Variants in TMEM178B observed in about 807,000 individuals in gnomAD.
TMEM178B encodes transmembrane protein 178B.
In TMEM178B, 5 loss-of-function variants were observed where a neutral mutation model predicts 31.0. That is an observed-to-expected ratio of 0.16 (90% CI 0.08 to 0.34). The LOEUF (loss-of-function observed/expected upper bound fraction) is 0.34. Among genes scored for constraint, TMEM178B ranks in the 10% least tolerant of loss-of-function variants. The probability of loss-of-function intolerance (pLI) is 1.00; values close to 1 mark genes in which losing one functional copy is unlikely to be tolerated. For missense variants in TMEM178B, 275 were observed against 400.3 expected, an observed-to-expected ratio of 0.69 and a Z score of 2.67; for synonymous variants, 164 against 164.0, an observed-to-expected ratio of 1.00 and a Z score of 0.00.
At chr7:141,279,225 GA>G (rs1029723345) in intron 2 of TMEM178B, among the ~76,000 whole-genome samples, 1 of 151,974 alleles carries the variant, frequency 6.6e-6, no homozygotes, top group Non-Finnish European at 1.5e-5. Context: ...AAAGCAAAAT[GA>G]AAAAAAGTAG....
chr7:141,381,572 C>T lies in TMEM178B; in HGVS notation c.497-56036C>T, dbSNP rs181367691. Among the ~76,000 whole-genome samples the T allele has an allele frequency of 2.0e-3, 312 of 152,258 alleles. 6 individuals are homozygous for T. Among genetic ancestry groups the T allele is most frequent in the Admixed American group, 3.9e-3 (59 of 15,290 alleles). ...TAATTCTTTCCAGATATCCCACCAA[C>T]CTTATTTGATTAGGACATAAGGAGT... On this transcript the variant is annotated intron_variant, in intron 2 of 3. Coordinates refer to ENST00000565468, the MANE Select transcript of TMEM178B (RefSeq NM_001195278.2).
chr7:141,221,158 G>T (rs1332845439), intron 2 of TMEM178B, among the ~76,000 whole-genome samples: 2 of 152,230 alleles, frequency 1.3e-5, no homozygotes, highest in African/African-American at 4.8e-5. Flanking sequence ...GCATTTTACA[G>T]CGAGGGAAAA....
intron 2 of TMEM178B, chr7:141,352,619 ATCC>A (rs1799753149): frequency 6.6e-6 from 1 of 152,264 alleles, no homozygotes; most frequent in African/African-American, 2.4e-5. Flanking sequence ...TGACCTCATG[ATCC>A]ACCCGCCTCG....
intron 1 of TMEM178B, among the ~76,000 whole-genome samples, chr7:141,141,312 G>A (rs1054536351): frequency 6.6e-6 from 1 of 151,464 alleles, no homozygotes; most frequent in African/African-American, 2.4e-5. Context: ...TTACTTTCTG[G>A]CAGTACAAGA....
chr7:141,108,211 CATTAGCTGGGACA>C (rs1431742993), intron 1 of TMEM178B, among the ~76,000 whole-genome samples: 2 of 152,096 alleles, frequency 1.3e-5, no homozygotes, highest in Non-Finnish European at 2.9e-5. Flanking sequence ...AGAAATGAAG[CATTAGCTGGGACA>C]AGAAGGGATT....
intron 2 of TMEM178B, among the ~76,000 whole-genome samples, chr7:141,430,750 TTC>T (rs150063399): frequency 6.6e-6 from 1 of 151,476 alleles, no homozygotes. Flanking sequence ...TCATTGCAGA[TTC>T]TCTCTCTCTC....
intron 2 of TMEM178B, among the ~76,000 whole-genome samples, chr7:141,399,879 T>C (rs1027926636): frequency 2.6e-5 from 4 of 152,102 alleles, no homozygotes; most frequent in African/African-American, 7.2e-5. Context: ...TTTTCATTGC[T>C]CCTCCCTTTC....
intron 2 of TMEM178B, among the ~76,000 whole-genome samples, chr7:141,267,538 C>T (rs1798113198): frequency 6.6e-6 from 1 of 152,170 alleles, no homozygotes; most frequent in Non-Finnish European, 1.5e-5. Context: ...GACCCAACAT[C>T]CTCCAGGGCC....
chr7:141,241,283 C>A (rs374415836), intron 2 of TMEM178B, among the ~76,000 whole-genome samples: 4 of 152,028 alleles, frequency 2.6e-5, no homozygotes, highest in African/African-American at 9.6e-5. Context: ...ACCAACATTA[C>A]AGATTATTTA....
chr7:141,229,013 C>CTTTT (rs3035763), intron 2 of TMEM178B, among the ~76,000 whole-genome samples: 15 of 80,572 alleles, frequency 1.9e-4, no homozygotes, highest in African/African-American at 7.3e-4. Flanking sequence ...TCAGTACTAT[C>CTTTT]TTTTTTTTTT....
At chr7:141,320,541 C>A (rs1248359930) in intron 2 of TMEM178B, among the ~76,000 whole-genome samples, 1 of 152,152 alleles carries the variant, frequency 6.6e-6, no homozygotes, top group Non-Finnish European at 1.5e-5. Context: ...ACCTTGGTTC[C>A]TCTTTCTGTC....
chr7:141,188,654 A>G (rs1421591273), intron 1 of TMEM178B, among the ~76,000 whole-genome samples: 2 of 152,322 alleles, frequency 1.3e-5, no homozygotes, highest in African/African-American at 4.8e-5. Flanking sequence ...GATAAAACAG[A>G]AATAAGCTTA....
the TMEM178B span, among the ~76,000 whole-genome samples, chr7:141,504,509 A>G: frequency 6.6e-6 from 1 of 152,224 alleles, no homozygotes; most frequent in South Asian, 2.1e-4. Flanking sequence ...TTAGTTTCCT[A>G]TATGAGAGAA....
At chr7:141,262,382 G>C (rs1353471441) in intron 2 of TMEM178B, among the ~76,000 whole-genome samples, 4 of 151,590 alleles carry the variant, frequency 2.6e-5, no homozygotes, top group African/African-American at 9.7e-5. Flanking sequence ...ATGGAGGCAT[G>C]CATGTGAGTT....
intron 1 of TMEM178B, among the ~76,000 whole-genome samples, chr7:141,104,614 T>C (rs1439190360): frequency 2.6e-5 from 4 of 152,200 alleles, no homozygotes; most frequent in Non-Finnish European, 5.9e-5. Flanking sequence ...TTGCTTGGAC[T>C]GCTGTACCAC....
chr7:141,510,703 A>AAAAAAAAAAG, the TMEM178B span, among the ~76,000 whole-genome samples: 43 of 143,274 alleles, frequency 3.0e-4, no homozygotes, highest in African/African-American at 1.1e-3. Context: ...AAAAAAAAAA[A>AAAAAAAAAAG]AAAAAAAAAG....
At chr7:141,299,884 A>T (rs904946089) in intron 2 of TMEM178B, among the ~76,000 whole-genome samples, 4 of 152,062 alleles carry the variant, frequency 2.6e-5, no homozygotes, top group African/African-American at 9.7e-5. Flanking sequence ...CCCCTGGCTC[A>T]AGTGATCGTC....
At chr7:141,503,084 G>A in the TMEM178B span, among the ~76,000 whole-genome samples, 1 of 152,120 alleles carries the variant, frequency 6.6e-6, no homozygotes, top group Non-Finnish European at 1.5e-5. Context: ...CCTCTATCTG[G>A]CAGTTAGCAG....
the TMEM178B span, among the ~76,000 whole-genome samples, chr7:141,504,068 C>A: frequency 5.3e-5 from 8 of 152,274 alleles, no homozygotes; most frequent in East Asian, 1.5e-3. Context: ...TTGACTGGAG[C>A]CTCTGATTAA....
Sources: gnomAD v4.1 joint callset for allele counts (sites outside exome capture counted in the v4.1 genomes callset) on GRCh38, gnomAD v4.1.1 for gene constraint, MANE v1.5 for transcripts, NCBI Gene and HGNC (gene_info 2026-07-23, HGNC 2026-07-21) for gene names.